Variants in PIEZO2 observed in about 807,000 individuals in gnomAD.
PIEZO2 encodes the protein piezo-type mechanosensitive ion channel component 2.
A neutral mutation model predicts 337.3 loss-of-function variants in PIEZO2; 172 were observed. That is an observed-to-expected ratio of 0.51 (90% CI 0.45 to 0.58). PIEZO2 has a LOEUF of 0.58. Among genes scored for constraint, PIEZO2 ranks in the 20% least tolerant of loss-of-function variants. The pLI is 0.00. For synonymous variants in PIEZO2, 1,251 were observed against 1,228.5 expected (o/e 1.02, Z -0.38); for missense variants, 3,028 against 3,391.3 (o/e 0.89, Z 2.66).
intron 43 of PIEZO2, chr18:10,701,746 C>T (rs2035341773): frequency 8.3e-6 from 3 of 361,896 alleles, no homozygotes; most frequent in Non-Finnish European, 4.9e-6. Flanking sequence ...AAACATTCTC[C>T]CAGATTTATT....
chr18:10,906,788 T>C (rs1350815402), intron 4 of PIEZO2, among the ~76,000 whole-genome samples: 1 of 152,104 alleles, frequency 6.6e-6, no homozygotes, highest in Non-Finnish European at 1.5e-5. Flanking sequence ...CTCGAACTCC[T>C]GAGCTCAGTC....
intron 3 of PIEZO2, among the ~76,000 whole-genome samples, chr18:10,924,179 C>A (rs1305807013): frequency 6.6e-6 from 1 of 152,208 alleles, no homozygotes; most frequent in Non-Finnish European, 1.5e-5. Flanking sequence ...CACTCTGAAG[C>A]AAAAGTGTGA....
chr18:11,067,176 A>G (rs906253464), intron 1 of PIEZO2, among the ~76,000 whole-genome samples: 1 of 152,176 alleles, frequency 6.6e-6, no homozygotes, highest in Admixed American at 6.5e-5. Flanking sequence ...CTTAGCTACC[A>G]ATGATTACCT....
chr18:10,682,011 G>T lies in PIEZO2; in HGVS notation c.7686+93C>A. ...GCAGTCAAATGCCGACAGCAGGGTC[G>T]GCAGCCCATGACTAAACACCCTACA... On this transcript the variant is annotated intron_variant, in intron 50 of 55. Transcript: ENST00000674853. The surrounding 1 kb of genome is among the most constrained non-coding windows in gnomAD (Gnocchi z 5.6). The T allele has an allele frequency of 7.9e-7, 1 of 1,263,818 alleles. No individual in the cohort carries two copies. Among genetic ancestry groups the T allele is most frequent in the Non-Finnish European group, 1.1e-6 (1 of 937,510 alleles). The allele number at this position is 1,263,818 out of a possible 1,614,324, so 78.3% of individuals were successfully genotyped here.
intron 3 of PIEZO2, among the ~76,000 whole-genome samples, chr18:10,955,637 CA>C (rs2033485172): frequency 6.6e-6 from 1 of 152,208 alleles, no homozygotes; most frequent in Non-Finnish European, 1.5e-5. Context: ...TCTGCTAACA[CA>C]GGGGTACCAT....
intron 41 of PIEZO2, 116 bp downstream of exon 41, chr18:10,705,220 C>T (rs912318288): frequency 3.1e-6 from 4 of 1,297,070 alleles, no homozygotes; most frequent in African/African-American, 1.5e-5. Context: ...TCTGTTTGCT[C>T]TAAGTGTCCA....
At chr18:11,144,958 T>C (rs767713253) in intron 1 of PIEZO2, among the ~76,000 whole-genome samples, 1 of 152,242 alleles carries the variant, frequency 6.6e-6, no homozygotes, top group Non-Finnish European at 1.5e-5. Context: ...CAGTGCATTC[T>C]TGACCGAAAA....
At chr18:10,976,379 A>G (rs1449792660) in intron 3 of PIEZO2, among the ~76,000 whole-genome samples, 1 of 152,230 alleles carries the variant, frequency 6.6e-6, no homozygotes, top group Admixed American at 6.5e-5. Flanking sequence ...TATGATTTCT[A>G]TAAACCCACC....
At chr18:10,843,115 G>A (rs2041245767) in intron 7 of PIEZO2, among the ~76,000 whole-genome samples, 1 of 152,158 alleles carries the variant, frequency 6.6e-6, no homozygotes, top group South Asian at 2.1e-4. Flanking sequence ...TCACAAAGCA[G>A]CCAAATTGGC....
At position 10,861,124 on chromosome 18, in the gene PIEZO2, A is replaced by C. The variant is rs1173799404; in HGVS notation, c.493-3913T>G. ...CTGATGTATAAACACTGAACCTCTG[A>C]AAGAGCATGGACTCACTCTCGCATG... On this transcript the variant is annotated intron_variant, in intron 5 of 55. Transcript: ENST00000674853. The surrounding 1 kb of genome is among the most constrained non-coding windows in gnomAD (Gnocchi z 4.3). Among the ~76,000 whole-genome samples, 1 of 152,192 alleles carries C rather than the reference A, an allele frequency of 6.6e-6. No individual in the cohort carries two copies. Among genetic ancestry groups the C allele is most frequent in the Non-Finnish European group, 1.5e-5 (1 of 68,028 alleles).
intron 30 of PIEZO2, among the ~76,000 whole-genome samples, chr18:10,745,050 T>C (rs1331292759): frequency 1.3e-5 from 2 of 151,630 alleles, no homozygotes; most frequent in African/African-American, 4.9e-5. Context: ...GTCTGTGGAG[T>C]GGTTTTTCAC....
At chr18:10,744,567 C>A (rs892512393) in intron 30 of PIEZO2, among the ~76,000 whole-genome samples, 40 of 152,316 alleles carry the variant, frequency 2.6e-4, no homozygotes, top group African/African-American at 9.4e-4. Flanking sequence ...GTAAAGCATT[C>A]TCACCTGACC....
chr18:11,146,016 CACACAT>C lies in PIEZO2; in HGVS notation c.64+2503_64+2508del, dbSNP rs1436072282. 6.6e-6 allele frequency among the ~76,000 whole-genome samples: 1 copy of C among 152,164 alleles called. No individual in the cohort carries two copies. Among genetic ancestry groups the C allele is most frequent in the African/African-American group, 2.4e-5 (1 of 41,450 alleles). On this transcript the variant is annotated intron_variant, in intron 1 of 55. Coordinates refer to ENST00000674853, the MANE Select transcript of PIEZO2 (RefSeq NM_001378183.1). The surrounding 1 kb of genome is among the most constrained non-coding windows in gnomAD (Gnocchi z 6.1). ...CCCCCTACACACTCATACTCACACT[CACACAT>C]ACTCATAACACATGTGCACACTCAC...
Position 10,970,270 on chromosome 18 carries a change from T to C in PIEZO2, c.286+9265A>G, listed in dbSNP as rs7233224. ...CAGGGAAATAACATGGGCAAAGGCA[T>C]GGCCAGGCAATAGAAAGCTTATTGG... On this transcript the variant is annotated intron_variant, in intron 3 of 55. Transcript: ENST00000674853. 5.3e-3 allele frequency among the ~76,000 whole-genome samples: 804 copies of C among 152,258 alleles called. 6 individuals carry two copies. The highest frequency in any genetic ancestry group is 0.018 in the African/African-American group (767 of 41,562).
rs868445088 is a variant in PIEZO2, at chr18:10,847,940, C to A, written c.917+7413G>T. Among the ~76,000 whole-genome samples, 1 of 152,150 alleles carries A rather than the reference C, an allele frequency of 6.6e-6. No individual in the cohort carries two copies. Among genetic ancestry groups the A allele is most frequent in the African/African-American group, 2.4e-5 (1 of 41,424 alleles). The stretch of plus-strand genomic sequence containing the variant: ...TTTGCATTCCTTAGCATTATAATAA[C>A]GTGCTTTACATTTGTTTTTCTCCAC... On this transcript the variant is annotated intron_variant, in intron 7 of 55. Coordinates refer to ENST00000674853, the MANE Select transcript of PIEZO2 (RefSeq NM_001378183.1). The surrounding 1 kb of genome is among the most constrained non-coding windows in gnomAD (Gnocchi z 5.7).
rs76393747 is a variant in PIEZO2, at chr18:11,118,227, G to C, written c.64+30298C>G. ...GCAAACAGCCCATGGTCCACAGCTAGGTCTTGTTCCACAGTGCATGACCTT... is the reference window on the plus strand; with the variant it reads ...GCAAACAGCCCATGGTCCACAGCTACGTCTTGTTCCACAGTGCATGACCTT... On this transcript the variant is annotated intron_variant, in intron 1 of 55. Transcript: ENST00000674853. Among the ~76,000 whole-genome samples, 786 of 152,302 alleles carry C rather than the reference G, an allele frequency of 5.2e-3. 2 individuals carry two copies. The highest frequency in any genetic ancestry group is 0.018 in the African/African-American group (735 of 41,568).
rs780803293 is a variant in PIEZO2, at chr18:10,675,247, C to T, written c.8123G>A (p.Ser2708Asn). Residue 2708 changes from serine to asparagine, a missense_variant, in exon 54 of 56, where the codon AGT becomes AAT. Physicochemically the swap from Ser to Asn is conservative, Grantham distance 46. Coordinates refer to ENST00000674853, the MANE Select transcript of PIEZO2 (RefSeq NM_001378183.1). ...CTTTATAGGTTTTGAGTTAGAATCA[C>T]TAGGTGCTTTCACATAATATGGATA... Reference protein sequence around the residue: ...KIYPYYVKAPSDSNSKPIKQL... With the variant: ...KIYPYYVKAPNDSNSKPIKQL... The T allele has an allele frequency of 1.3e-6, 2 of 1,548,622 alleles. No homozygotes were observed. The highest frequency in any genetic ancestry group is 1.7e-6 in the Non-Finnish European group (2 of 1,144,646).
rs368299008 is a variant in PIEZO2, at chr18:10,958,052, ACT to A, written c.286+21481_286+21482del. ...AATGTGGAGGAAAGGGAACACTTAC[ACT>A]CTGTGTGTGGGAATGTAAATTAGTA... On this transcript the variant is annotated intron_variant, in intron 3 of 55. Coordinates refer to ENST00000674853, the MANE Select transcript of PIEZO2 (RefSeq NM_001378183.1). Among the ~76,000 whole-genome samples the A allele has an allele frequency of 2.5e-3, 375 of 152,212 alleles. 3 individuals are homozygous for A. Among genetic ancestry groups the A allele is most frequent in the African/African-American group, 8.4e-3 (348 of 41,534 alleles).
chr18:10,680,412 C>T (rs1302632389), intron 51 of PIEZO2, 41 bp from the exon 52 acceptor site: 2 of 1,556,504 alleles, frequency 1.3e-6, no homozygotes, highest in East Asian at 2.3e-5. Flanking sequence ...AGATTATATG[C>T]ATCATGCTGT....
Sources: allele counts gnomAD v4.1 joint callset (sites outside exome capture counted in the v4.1 genomes callset), GRCh38; gene constraint gnomAD v4.1.1; non-coding constraint Gnocchi (gnomAD v3.1); transcripts MANE v1.5; gene names NCBI Gene and HGNC (gene_info 2026-07-23, HGNC 2026-07-21).